Variants in RBPJ observed in about 807,000 individuals in gnomAD.
RBPJ encodes recombination signal binding protein for immunoglobulin kappa J region.
In RBPJ, 9 loss-of-function variants were observed where a neutral mutation model predicts 67.8. That is an observed-to-expected ratio of 0.13 (90% CI 0.08 to 0.23). The LOEUF (loss-of-function observed/expected upper bound fraction) is 0.23. Among genes scored for constraint, RBPJ ranks in the 10% least tolerant of loss-of-function variants. The probability of loss-of-function intolerance (pLI) is 1.00; values close to 1 mark genes in which losing one functional copy is unlikely to be tolerated. For missense variants in RBPJ, 305 were observed against 595.6 expected, an observed-to-expected ratio of 0.51 and a Z score of 5.08; for synonymous variants, 198 against 203.3, an observed-to-expected ratio of 0.97 and a Z score of 0.22.
chr4:26,404,378 A>G (rs1577625397), intron 2 of RBPJ, among the ~76,000 whole-genome samples: 1 of 152,188 alleles, frequency 6.6e-6, no homozygotes, highest in Non-Finnish European at 1.5e-5. Context: ...GAAACGTATT[A>G]CCACTTTTAT....
intron 1 of RBPJ, among the ~76,000 whole-genome samples, chr4:26,313,950 A>G (rs1279359996): frequency 6.6e-6 from 1 of 151,996 alleles, no homozygotes; most frequent in East Asian, 1.9e-4. Flanking sequence ...CCTCCTTTCT[A>G]TGTTTTATAT....
chr4:26,170,211 A>G (rs1716518074), intron 1 of RBPJ, among the ~76,000 whole-genome samples: 1 of 152,144 alleles, frequency 6.6e-6, no homozygotes, highest in African/African-American at 2.4e-5. Context: ...CTATTCGGCC[A>G]TCTTGGCTTC....
the RBPJ span, among the ~76,000 whole-genome samples, chr4:26,157,098 CAA>C: frequency 3.8e-5 from 1 of 26,354 alleles, no homozygotes; most frequent in African/African-American, 7.8e-5. Context: ...AACAAACAAA[CAA>C]AAACAAACAA....
intron 1 of RBPJ, among the ~76,000 whole-genome samples, chr4:26,313,016 G>A (rs1458340268): frequency 6.6e-6 from 1 of 152,016 alleles, no homozygotes; most frequent in Non-Finnish European, 1.5e-5. Context: ...TCAACTTCAG[G>A]GTCTCAAGTG....
intron 1 of RBPJ, among the ~76,000 whole-genome samples, chr4:26,244,470 T>A (rs1409656868): frequency 2.7e-5 from 4 of 149,484 alleles, no homozygotes; most frequent in African/African-American, 7.4e-5. Context: ...TGTATATATG[T>A]ATACATATGT....
chr4:26,403,179 T>C (rs965292269), intron 2 of RBPJ, among the ~76,000 whole-genome samples: 4 of 152,082 alleles, frequency 2.6e-5, no homozygotes, highest in African/African-American at 9.7e-5. Context: ...TTTTCTATAA[T>C]GGGCTTGAGA....
intron 1 of RBPJ, among the ~76,000 whole-genome samples, chr4:26,240,077 T>C (rs977434334): frequency 6.6e-6 from 1 of 152,200 alleles, no homozygotes; most frequent in Admixed American, 6.6e-5. Context: ...TTCCCTGTCA[T>C]TCCCTGTTTA....
intron 1 of RBPJ, among the ~76,000 whole-genome samples, chr4:26,167,106 T>A (rs1186667085): frequency 6.6e-6 from 1 of 152,092 alleles, no homozygotes; most frequent in Non-Finnish European, 1.5e-5. Flanking sequence ...CCATGCTGTT[T>A]TGGTTACTGT....
At chr4:26,120,714 C>CTTTTTT in the RBPJ span, among the ~76,000 whole-genome samples, 16 of 83,014 alleles carry the variant, frequency 1.9e-4, 1 homozygote, top group Non-Finnish European at 3.0e-4. Context: ...ATTTTCTCAA[C>CTTTTTT]TTTTTTTTTT....
At chr4:26,139,825 T>G in the RBPJ span, among the ~76,000 whole-genome samples, 1 of 152,210 alleles carries the variant, frequency 6.6e-6, no homozygotes, top group Admixed American at 6.5e-5. Context: ...GAATTTTCAC[T>G]CATGTTTCTG....
chr4:26,270,879 C>A (rs538425580), intron 1 of RBPJ, among the ~76,000 whole-genome samples: 5 of 152,184 alleles, frequency 3.3e-5, no homozygotes, highest in African/African-American at 1.2e-4. Context: ...TCCCCCCCAC[C>A]CTTATCCACA....
the RBPJ span, among the ~76,000 whole-genome samples, chr4:26,108,787 A>G: frequency 2.2e-4 from 34 of 152,280 alleles, no homozygotes; most frequent in Admixed American, 2.1e-3. Context: ...CTGGGCAGTA[A>G]AGTAAGATTA....
the RBPJ span, among the ~76,000 whole-genome samples, chr4:26,132,746 G>C: frequency 6.6e-6 from 1 of 152,132 alleles, no homozygotes; most frequent in Non-Finnish European, 1.5e-5. Context: ...CAAAACCACT[G>C]TCACTGGGGT....
chr4:26,365,392 T>C (rs531290351), intron 1 of RBPJ, among the ~76,000 whole-genome samples: 3 of 152,232 alleles, frequency 2.0e-5, no homozygotes, highest in African/African-American at 7.2e-5. Context: ...CCTGCTGGGG[T>C]GATGTGTGTG....
At chr4:26,250,263 C>T (rs868409956) in intron 1 of RBPJ, among the ~76,000 whole-genome samples, 2 of 151,072 alleles carry the variant, frequency 1.3e-5, no homozygotes, top group Admixed American at 1.3e-4. Context: ...TTGTCTCTGG[C>T]TTATTTCACT....
At chr4:26,338,487 A>G (rs1725139597) in intron 1 of RBPJ, among the ~76,000 whole-genome samples, 1 of 149,148 alleles carries the variant, frequency 6.7e-6, no homozygotes, top group Non-Finnish European at 1.5e-5. Flanking sequence ...GTGCTCTTTT[A>G]TAGTTTAAAA....
At chr4:26,138,373 G>GAA in the RBPJ span, among the ~76,000 whole-genome samples, 80 of 147,196 alleles carry the variant, frequency 5.4e-4, no homozygotes, top group African/African-American at 6.5e-4. Flanking sequence ...TGGCACTAGA[G>GAA]AAAAAAAAAA....
chr4:26,378,691 G>GT, intron 1 of RBPJ, among the ~76,000 whole-genome samples: 1 of 152,244 alleles, frequency 6.6e-6, no homozygotes, highest in East Asian at 1.9e-4. Context: ...GTGTTTGTTT[G>GT]TTTTTTAATT....
chr4:26,368,859 C>T (rs1332035625), intron 1 of RBPJ, among the ~76,000 whole-genome samples: 1 of 152,144 alleles, frequency 6.6e-6, no homozygotes, highest in Non-Finnish European at 1.5e-5. Context: ...ATAAATGACA[C>T]AAATATGCTT....
Sources: gnomAD v4.1 joint callset for allele counts (sites outside exome capture counted in the v4.1 genomes callset) on GRCh38, gnomAD v4.1.1 for gene constraint, MANE v1.5 for transcripts, NCBI Gene and HGNC (gene_info 2026-07-23, HGNC 2026-07-21) for gene names.